CHST8: variants seen among roughly 807,000 people sequenced by gnomAD.
The protein encoded by CHST8 is GALNAC-4-ST1.
In CHST8, 10 loss-of-function variants were observed where a neutral mutation model predicts 15.0. The ratio of observed to expected loss-of-function variants is 0.67; its 90% CI spans 0.41 to 1.13. The LOEUF (loss-of-function observed/expected upper bound fraction) is 1.13. Ranked by LOEUF, CHST8 falls within the 50% of genes most tolerant of loss-of-function variation. The pLI is 0.00. For missense variants in CHST8, 634 were observed against 608.2 expected, an observed-to-expected ratio of 1.04 and a Z score of -0.45; for synonymous variants, 259 against 256.6, an observed-to-expected ratio of 1.01 and a Z score of -0.09.
At chr19:33,633,006 T>G (rs1294423847) in intron 1 of CHST8, among the ~76,000 whole-genome samples, 3 of 152,022 alleles carry the variant, frequency 2.0e-5, no homozygotes, top group African/African-American at 7.3e-5. Flanking sequence ...AATTTTTGTA[T>G]TTTTAGTAGA....
At chr19:33,688,497 C>T (rs531949635) in intron 2 of CHST8, among the ~76,000 whole-genome samples, 10 of 152,156 alleles carry the variant, frequency 6.6e-5, no homozygotes, top group Admixed American at 5.2e-4. Context: ...CAAAGGGCCT[C>T]GAGCACAGGG....
intron 1 of CHST8, among the ~76,000 whole-genome samples, chr19:33,634,592 G>A (rs1972166592): frequency 6.9e-6 from 1 of 145,680 alleles, no homozygotes; most frequent in Non-Finnish European, 1.5e-5. Context: ...CAGGTGCTGA[G>A]CCCTGGCCCA....
intron 3 of CHST8, among the ~76,000 whole-genome samples, chr19:33,740,216 A>G (rs1974159774): frequency 6.6e-6 from 1 of 152,160 alleles, no homozygotes; most frequent in African/African-American, 2.4e-5. Context: ...CTCCAAGGCT[A>G]CATCACTCGT....
chr19:33,633,744 G>T (rs541546364), intron 1 of CHST8, among the ~76,000 whole-genome samples: 1 of 151,284 alleles, frequency 6.6e-6, no homozygotes, highest in Non-Finnish European at 1.5e-5. Flanking sequence ...GGGCCCCAGG[G>T]TGCAGGTACT....
At chr19:33,665,000 T>C (rs1447355344) in intron 1 of CHST8, among the ~76,000 whole-genome samples, 1 of 152,236 alleles carries the variant, frequency 6.6e-6, no homozygotes, top group African/African-American at 2.4e-5. Context: ...ATTTATCCAC[T>C]GATGGGCACT....
In CHST8 at chr19:33,765,070, A is replaced by ATATATATGTATG. The variant is rs71181381; in HGVS notation, c.131-6340_131-6339insATATGTATGTAT. Reference sequence around the variant, plus strand: ...TATTCCATCATATATATATATATATATATCAGAGTTTCTTTATCCACTCGT... The same window carrying ATATATATGTATG: ...TATTCCATCATATATATATATATATATATATATGTATGTATCAGAGTTTCTTTATCCACTCGT... On this transcript the variant is annotated intron_variant, in intron 3 of 4. Coordinates refer to ENST00000650847, the MANE Select transcript of CHST8 (RefSeq NM_001127895.2). Among the ~76,000 whole-genome samples the ATATATATGTATG allele has an allele frequency of 2.3e-3, 256 of 113,190 alleles. 35 individuals carry two copies. The highest frequency in any genetic ancestry group is 0.01 in the African/African-American group (248 of 23,832). The allele number at this position is 113,190 out of a possible 152,430, so 74.3% of individuals were successfully genotyped here.
At chr19:33,758,916 T>C (rs1457367008) in intron 3 of CHST8, among the ~76,000 whole-genome samples, 1 of 149,962 alleles carries the variant, frequency 6.7e-6, no homozygotes, top group East Asian at 1.9e-4. Flanking sequence ...CCACTTGGTT[T>C]CTTGGCGGGG....
At chr19:33,723,952 G>A (rs905830299) in intron 3 of CHST8, among the ~76,000 whole-genome samples, 8 of 152,200 alleles carry the variant, frequency 5.3e-5, no homozygotes, top group East Asian at 1.9e-4. Flanking sequence ...GTGGGGAGGA[G>A]TAGCTTCCCG....
At chr19:33,678,014 GC>G (rs1238097604) in intron 2 of CHST8, among the ~76,000 whole-genome samples, 1 of 152,180 alleles carries the variant, frequency 6.6e-6, no homozygotes. Flanking sequence ...CTGAATCAGA[GC>G]CGCACCGAGG....
chr19:33,656,386 A>G (rs1972510529), intron 1 of CHST8, among the ~76,000 whole-genome samples: 1 of 152,228 alleles, frequency 6.6e-6, no homozygotes. Flanking sequence ...ATGTGAAAAA[A>G]TAAAGTACAT....
At chr19:33,622,708 G>T (rs1166338924) in intron 1 of CHST8, among the ~76,000 whole-genome samples, 1 of 152,116 alleles carries the variant, frequency 6.6e-6, no homozygotes, top group Non-Finnish European at 1.5e-5. Context: ...GGGCTTCCTG[G>T]CGCGCTCGGA....
At chr19:33,650,501 C>CTTTTCTTTTTTTTTTTTTTTTTTT (rs1972424942) in intron 1 of CHST8, among the ~76,000 whole-genome samples, 2 of 50,926 alleles carry the variant, frequency 3.9e-5, no homozygotes, top group African/African-American at 1.4e-4. Context: ...TTTTCTTTTT[C>CTTTTCTTTTTTTTTTTTTTTTTTT]TTTTTCTTTT....
At chr19:33,771,261 C>T in intron 3 of CHST8, 152 bp from the exon 4 acceptor site, 1 of 745,018 alleles carries the variant, frequency 1.3e-6, no homozygotes, top group South Asian at 1.6e-5. Flanking sequence ...GGAGGGGCTC[C>T]AGCACTGAGC....
intron 1 of CHST8, among the ~76,000 whole-genome samples, chr19:33,637,668 C>T (rs1253214131): frequency 6.8e-6 from 1 of 146,614 alleles, no homozygotes; most frequent in Non-Finnish European, 1.5e-5. Context: ...TCCCAAAGTG[C>T]TGGGATTACA....
At chr19:33,656,118 C>A (rs964552743) in intron 1 of CHST8, among the ~76,000 whole-genome samples, 1 of 152,098 alleles carries the variant, frequency 6.6e-6, no homozygotes, top group African/African-American at 2.4e-5. Context: ...TTTATTTCCT[C>A]CTTGATGCAA....
chr19:33,714,880 A>T (rs968632772), intron 3 of CHST8, among the ~76,000 whole-genome samples: 2 of 152,174 alleles, frequency 1.3e-5, no homozygotes, highest in African/African-American at 4.8e-5. Flanking sequence ...TGAGTCCAAT[A>T]AACCTCTTTC....
In CHST8 at chr19:33,757,514, G is replaced by T. The variant is rs12610926; in HGVS notation, c.131-13899G>T. Among the ~76,000 whole-genome samples the T allele has an allele frequency of 2.6e-4, 14 of 54,052 alleles. 2 individuals carry two copies. Among genetic ancestry groups the T allele is most frequent in the African/African-American group, 8.1e-4 (9 of 11,138 alleles). 35.5% of individuals were successfully genotyped at this position (54,052 alleles called of 152,430 possible). On this transcript the variant is annotated intron_variant, in intron 3 of 4. Transcript: ENST00000650847. ...AGAAAGAAAGAAAGAAAGAAAGAAA[G>T]AAAGAAAGAGAAAGAAAGAAAGAAA...
intron 3 of CHST8, among the ~76,000 whole-genome samples, chr19:33,698,398 A>G (rs992017366): frequency 3.3e-5 from 5 of 149,740 alleles, no homozygotes; most frequent in Admixed American, 6.7e-5. Flanking sequence ...GAAAAAAAAA[A>G]AAAAGAAAGA....
intron 3 of CHST8, among the ~76,000 whole-genome samples, chr19:33,694,577 T>C (rs1973173928): frequency 6.6e-6 from 1 of 152,092 alleles, no homozygotes. Flanking sequence ...CCAGGCCTCG[T>C]ATTGAGAACT....
Sources: allele counts gnomAD v4.1 joint callset (sites outside exome capture counted in the v4.1 genomes callset), GRCh38; gene constraint gnomAD v4.1.1; transcripts MANE v1.5; gene names NCBI Gene and HGNC (gene_info 2026-07-23, HGNC 2026-07-21).